The following MTOR variants were observed in gnomAD, a reference collection of about 807,000 sequenced individuals.
The protein encoded by MTOR is serine/threonine-protein kinase mTOR.
Under a neutral mutation model 319.8 loss-of-function variants are expected in MTOR, and 70 were observed. That is an observed-to-expected ratio of 0.22 (90% CI 0.18 to 0.27). The LOEUF (loss-of-function observed/expected upper bound fraction) is 0.27, where lower values mean the gene tolerates loss of function less well. Among genes scored for constraint, MTOR ranks in the 10% least tolerant of loss-of-function variants. The pLI, the probability that MTOR is intolerant of heterozygous loss-of-function variation, is 1.00. For missense variants in MTOR, 1,890 were observed against 3,274.4 expected, an observed-to-expected ratio of 0.58 and a Z score of 10.32; for synonymous variants, 1,183 against 1,211.4, an observed-to-expected ratio of 0.98 and a Z score of 0.49.
At chr1:11,147,229 C>T (rs993518009) in intron 31 of MTOR, among the ~76,000 whole-genome samples, 3 of 152,166 alleles carry the variant, frequency 2.0e-5, no homozygotes, top group African/African-American at 7.2e-5. Flanking sequence ...TTGAAAATAG[C>T]CATTACACAG....
intron 18 of MTOR, 22 bp downstream of exon 18, chr1:11,230,903 T>C (rs747709468): frequency 8.7e-6 from 14 of 1,613,062 alleles, no homozygotes; most frequent in Admixed American, 1.7e-5. Context: ...TGGCAAGTCT[T>C]TCATGGCTAC....
chr1:11,261,240 C>A (rs1267572232), intron 1 of MTOR, among the ~76,000 whole-genome samples: 1 of 150,054 alleles, frequency 6.7e-6, no homozygotes, highest in East Asian at 2.0e-4. Flanking sequence ...CCGAGGCGGG[C>A]GGATCACGAG....
chr1:11,161,554 C>T (rs1027119650), intron 29 of MTOR, among the ~76,000 whole-genome samples: 8 of 152,178 alleles, frequency 5.3e-5, no homozygotes, highest in Non-Finnish European at 1.0e-4. Context: ...CGACTGACAC[C>T]TCACACGGCT....
intron 38 of MTOR, chr1:11,130,981 C>T (rs528102957): frequency 7.6e-6 from 5 of 657,070 alleles, no homozygotes; most frequent in Middle Eastern, 4.2e-4. Flanking sequence ...AACTATATAA[C>T]GTACTATGAG....
rs2100855381 is a variant in MTOR at position 11,228,774 on chromosome 1, A to G, written c.2924T>C (p.Ile975Thr). The G allele has an allele frequency of 6.2e-7, 1 of 1,614,184 alleles. No individual in the cohort carries two copies. The highest frequency in any genetic ancestry group is 8.5e-7 in the Non-Finnish European group (1 of 1,180,030). ...TCCCAGGGACTTGAAGATGAAGGTG[A>G]TGGCCTGGACAACCATGGTGTGATG... is the stretch of plus-strand genomic sequence containing the variant. ...SHHHTMVVQA[I>T]TFIFKSLGLK... Residue 975 changes from isoleucine to threonine, a missense_variant, in exon 19 of 58, where the codon ATC becomes ACC. By Grantham distance (89) the Ile-to-Thr change is moderately conservative (BLOSUM62 -1). Coordinates refer to ENST00000361445, the MANE Select transcript of MTOR (RefSeq NM_004958.4).
At chr1:11,255,243 C>T (rs1183978136) in intron 5 of MTOR, among the ~76,000 whole-genome samples, 2 of 151,668 alleles carry the variant, frequency 1.3e-5, no homozygotes, top group African/African-American at 4.8e-5. Flanking sequence ...ATTGGCTGGG[C>T]GTGATGGCAC....
At chr1:11,197,185 A>T (rs559046648) in intron 28 of MTOR, among the ~76,000 whole-genome samples, 1 of 152,292 alleles carries the variant, frequency 6.6e-6, no homozygotes, top group Non-Finnish European at 1.5e-5. Context: ...CCAAGGCCAG[A>T]TCCAAGTAGT....
intron 6 of MTOR, among the ~76,000 whole-genome samples, chr1:11,251,363 G>A (rs1156245186): frequency 6.6e-6 from 1 of 152,194 alleles, no homozygotes; most frequent in East Asian, 1.9e-4. Flanking sequence ...CTTCATGGCT[G>A]TGCTCAAATA....
At chr1:11,134,838 G>T (rs963914835) in intron 36 of MTOR, among the ~76,000 whole-genome samples, 1 of 152,174 alleles carries the variant, frequency 6.6e-6, no homozygotes, top group Non-Finnish European at 1.5e-5. Flanking sequence ...TTTGGGAATT[G>T]TTTCAGGCTA....
intron 57 of MTOR, 67 bp downstream of exon 57, chr1:11,108,114 G>T: frequency 1.5e-6 from 2 of 1,300,184 alleles, no homozygotes; most frequent in Non-Finnish European, 2.2e-6. Context: ...TGCTACTCTG[G>T]CTTTGGGGCC....
At chr1:11,162,883 G>A (rs1287602715) in intron 29 of MTOR, among the ~76,000 whole-genome samples, 1 of 152,122 alleles carries the variant, frequency 6.6e-6, no homozygotes, top group African/African-American at 2.4e-5. Flanking sequence ...CAACTAACGA[G>A]CAAAATAACC....
chr1:11,243,226 A>T lies in MTOR; in HGVS notation c.1300T>A (p.Phe434Ile). 6.2e-7 allele frequency: 1 copy of T among 1,614,180 alleles called. No homozygotes were observed. Among genetic ancestry groups the T allele is most frequent in the South Asian group, 1.1e-5 (1 of 91,086 alleles). The change falls in exon 9 of 58, where the codon TTC (phenylalanine) becomes ATC (isoleucine). Residue 434 changes from phenylalanine to isoleucine, a missense_variant. Around this residue, in one of 15 missense-constraint regions of MTOR, gnomAD observed 418 missense variants for 543.1 expected, o/e 0.77. Coordinates refer to ENST00000361445, the MANE Select transcript of MTOR (RefSeq NM_004958.4). ...ACAGAAAGTAGCCCCAGGGCTTGGAAGGCCGCTGTACGTTCCTTCTCCTTC... is the reference window on the plus strand; with the variant it reads ...ACAGAAAGTAGCCCCAGGGCTTGGATGGCCGCTGTACGTTCCTTCTCCTTC... ...VKKEKERTAA[F>I]QALGLLSVAV...
intron 33 of MTOR, 23 bp downstream of exon 33, chr1:11,144,945 T>A (rs1416879614): frequency 6.2e-7 from 1 of 1,610,694 alleles, no homozygotes; most frequent in East Asian, 2.2e-5. Context: ...AAAATGACAA[T>A]GTGCAGAATA....
intron 52 of MTOR, 154 bp downstream of exon 52, chr1:11,114,659 A>G: frequency 1.0e-6 from 1 of 1,001,756 alleles, no homozygotes; most frequent in Non-Finnish European, 1.5e-6. Context: ...TTTCATAGAT[A>G]GGTCATTTCT....
chr1:11,200,625 T>C (rs1645930429), intron 26 of MTOR, among the ~76,000 whole-genome samples: 1 of 152,146 alleles, frequency 6.6e-6, no homozygotes, highest in African/African-American at 2.4e-5. Context: ...TATTAACAGG[T>C]TAAGTTAGAC....
chr1:11,168,211 C>CT (rs561757972), intron 28 of MTOR, among the ~76,000 whole-genome samples: 10,129 of 142,308 alleles, frequency 0.071, 513 homozygotes, highest in African/African-American at 0.14. Context: ...CTCCTCTGAA[C>CT]TTTTTTTTTT....
rs1643011827 is a variant in MTOR, at chr1:11,129,537, CCTCA to C, written c.5714+197_5714+200del. Among the ~76,000 whole-genome samples, 1 of 152,248 alleles carries C rather than the reference CCTCA, an allele frequency of 6.6e-6. No homozygotes were observed. Among genetic ancestry groups the C allele is most frequent in the Non-Finnish European group, 1.5e-5 (1 of 68,026 alleles). On this transcript the variant is annotated intron_variant, in intron 40 of 57. Coordinates refer to ENST00000361445, the MANE Select transcript of MTOR (RefSeq NM_004958.4). This position sits in a 1 kb window ranked among gnomAD's most constrained non-coding sequence, Gnocchi z 4.7. ...GGAGAGTTCTCACTCCACTTCTCCT[CCTCA>C]CTCTCTGTAGGTTTCACCCACACAG...
intron 56 of MTOR, among the ~76,000 whole-genome samples, chr1:11,108,726 A>G (rs182987513): frequency 0.012 from 1,780 of 151,138 alleles, 47 homozygotes; most frequent in African/African-American, 0.04. Flanking sequence ...AAAAAAAAAA[A>G]AAAAGAAAAG....
Position 11,128,741 on chromosome 1 carries a change from T to C in MTOR, c.5811+114A>G. 1 of 1,059,562 alleles carries C rather than the reference T, an allele frequency of 9.4e-7. No homozygotes were observed. The highest frequency in any genetic ancestry group is 1.4e-6 in the Non-Finnish European group (1 of 706,068). The allele number at this position is 1,059,562 out of a possible 1,614,324, so 65.6% of individuals were successfully genotyped here. On this transcript the variant is annotated intron_variant, in intron 41 of 57. Coordinates refer to ENST00000361445, the MANE Select transcript of MTOR (RefSeq NM_004958.4). The surrounding 1 kb of genome is among the most constrained non-coding windows in gnomAD (Gnocchi z 5.3). ...GACACTGGGACCGAGCCCTACTTCC[T>C]TAGCACTGTATTAACACACACTGCC... is the stretch of plus-strand genomic sequence containing the variant.
Sources: allele counts gnomAD v4.1 joint callset (sites outside exome capture counted in the v4.1 genomes callset), GRCh38; gene constraint gnomAD v4.1.1; regional missense constraint gnomAD v4.1.1; non-coding constraint Gnocchi (gnomAD v3.1); transcripts MANE v1.5; gene names NCBI Gene and HGNC (gene_info 2026-07-23, HGNC 2026-07-21).